LCORL: variants seen among roughly 807,000 people sequenced by gnomAD.
The protein encoded by LCORL is ligand dependent nuclear receptor corepressor like.
A neutral mutation model predicts 141.8 loss-of-function variants in LCORL; 41 were observed. The observed-to-expected ratio is 0.29, with a 90% CI of 0.23 to 0.38. LCORL has a LOEUF of 0.38. Among genes scored for constraint, LCORL ranks in the 10% least tolerant of loss-of-function variants. The pLI is 1.00. For synonymous variants in LCORL, 618 were observed against 694.1 expected (o/e 0.89, Z 1.72); for missense variants, 1,759 against 2,035.0 (o/e 0.86, Z 2.61).
intron 4 of LCORL, among the ~76,000 whole-genome samples, chr4:17,941,384 G>C (rs536641945): frequency 6.6e-6 from 1 of 151,836 alleles, no homozygotes; most frequent in Non-Finnish European, 1.5e-5. Context: ...GTGTGAACTC[G>C]GAAGGCGAAG....
At chr4:17,907,753 G>A (rs759114433) in intron 5 of LCORL, among the ~76,000 whole-genome samples, 4 of 152,136 alleles carry the variant, frequency 2.6e-5, no homozygotes, top group Non-Finnish European at 5.9e-5. Flanking sequence ...CAGTGTGTTA[G>A]TGTATTTTAT....
intron 4 of LCORL, among the ~76,000 whole-genome samples, chr4:17,930,076 T>G (rs1226668575): frequency 6.6e-6 from 1 of 152,116 alleles, no homozygotes; most frequent in Non-Finnish European, 1.5e-5. Flanking sequence ...CCAGTAAGAC[T>G]GTTGTAATAA....
At chr4:17,860,391 T>A (rs1560260828) in intron 7 of LCORL, among the ~76,000 whole-genome samples, 2 of 152,262 alleles carry the variant, frequency 1.3e-5, no homozygotes, top group South Asian at 4.2e-4. Flanking sequence ...AGAGAGCTTG[T>A]GCTGGAAAAC....
intron 1 of LCORL, among the ~76,000 whole-genome samples, chr4:17,994,513 A>G (rs1720579811): frequency 6.6e-6 from 1 of 152,158 alleles, no homozygotes; most frequent in Non-Finnish European, 1.5e-5. Context: ...CACTGCCTCA[A>G]TTTAAAGTTT....
intron 4 of LCORL, chr4:17,912,925 G>A (rs962138196): frequency 2.3e-5 from 11 of 470,620 alleles, no homozygotes; most frequent in African/African-American, 2.1e-4. Context: ...CCACCGGATA[G>A]TGGATGGCAA....
intron 4 of LCORL, among the ~76,000 whole-genome samples, chr4:17,948,471 G>C (rs998350267): frequency 2.1e-4 from 32 of 152,026 alleles, no homozygotes; most frequent in African/African-American, 7.5e-4. Flanking sequence ...AGGAGTAGAA[G>C]TCAAAAGGAA....
intron 1 of LCORL, among the ~76,000 whole-genome samples, chr4:18,016,706 C>T (rs78015869): frequency 0.018 from 2,803 of 152,156 alleles, 83 homozygotes; most frequent in East Asian, 0.13. Flanking sequence ...ATACTTAACA[C>T]ATTAGGATAA....
chr4:17,898,652 G>GT (rs34770223), intron 5 of LCORL, among the ~76,000 whole-genome samples: 4,813 of 119,206 alleles, frequency 0.04, 219 homozygotes, highest in African/African-American at 0.1. Flanking sequence ...CATTCTCACC[G>GT]TTTTTTTTTT....
In LCORL at chr4:17,920,043, G is replaced by A. The variant is rs533455243; in HGVS notation, c.431-10698C>T. ...GCCTTGCCCTGTGCATCTCTTCATC[G>A]GTATCCTCTGTAATATCCTTCAGAA... is the stretch of plus-strand genomic sequence containing the variant. On this transcript the variant is annotated intron_variant, in intron 4 of 7. Coordinates refer to ENST00000635767, the Ensembl canonical transcript of LCORL. Among the ~76,000 whole-genome samples the A allele has an allele frequency of 1.2e-4, 18 of 152,300 alleles. No homozygotes were observed. The South Asian group carries it at 1.7e-3, about 14-fold the overall frequency.
chr4:17,874,488 T>G, exon 7 of LCORL: 1 of 1,233,900 alleles, frequency 8.1e-7, no homozygotes, highest in Non-Finnish European at 1.0e-6. Context: ...TTCATTCAAA[T>G]CATACTTTTT....
intron 6 of LCORL, chr4:17,883,686 A>ACACACACACT (rs1407481167): frequency 1.3e-6 from 2 of 1,496,324 alleles, no homozygotes; most frequent in Non-Finnish European, 1.8e-6. Context: ...ACACACACAC[A>ACACACACACT]CACACACTCA....
At chr4:18,000,126 C>CTTTTTT (rs11407271) in intron 1 of LCORL, among the ~76,000 whole-genome samples, 1 of 130,732 alleles carries the variant, frequency 7.6e-6, no homozygotes, top group African/African-American at 2.8e-5. Flanking sequence ...ATTTGTGGTT[C>CTTTTTT]TTTTTTTTTT....
chr4:17,931,985 T>C (rs372304574), intron 4 of LCORL, among the ~76,000 whole-genome samples: 3 of 152,282 alleles, frequency 2.0e-5, no homozygotes, highest in South Asian at 2.1e-4. Context: ...CAGATACTAG[T>C]AAATGTTACA....
At chr4:17,906,554 T>C (rs1408429831) in intron 5 of LCORL, among the ~76,000 whole-genome samples, 1 of 152,186 alleles carries the variant, frequency 6.6e-6, no homozygotes, top group African/African-American at 2.4e-5. Flanking sequence ...TTCACATATA[T>C]TTGCACTTTG....
At chr4:18,007,868 C>T (rs1238999810) in intron 1 of LCORL, among the ~76,000 whole-genome samples, 1 of 151,998 alleles carries the variant, frequency 6.6e-6, no homozygotes, top group Non-Finnish European at 1.5e-5. Flanking sequence ...AAATTCTATT[C>T]TATTTATGTG....
intron 1 of LCORL, among the ~76,000 whole-genome samples, chr4:18,000,814 C>A (rs1304091419): frequency 6.6e-6 from 1 of 152,148 alleles, no homozygotes; most frequent in Non-Finnish European, 1.5e-5. Context: ...CTGGGGGTTC[C>A]ATTTCTTGAT....
At chr4:17,955,400 G>A (rs142116599) in intron 4 of LCORL, among the ~76,000 whole-genome samples, 300 of 152,236 alleles carry the variant, frequency 2.0e-3, no homozygotes, top group Non-Finnish European at 3.5e-3. Flanking sequence ...AGTGGAGATG[G>A]CAAAAGTATG....
chr4:18,003,061 T>C (rs530615200), intron 1 of LCORL, among the ~76,000 whole-genome samples: 1 of 152,332 alleles, frequency 6.6e-6, no homozygotes, highest in South Asian at 2.1e-4. Flanking sequence ...AAGCCAACTT[T>C]TGTACAGCCA....
chr4:17,925,484 G>C (rs1734972928), intron 4 of LCORL, among the ~76,000 whole-genome samples: 1 of 152,140 alleles, frequency 6.6e-6, no homozygotes, highest in South Asian at 2.1e-4. Flanking sequence ...ATACAGAAGG[G>C]GTAGTAGAAG....
Sources: allele counts gnomAD v4.1 joint callset (sites outside exome capture counted in the v4.1 genomes callset), GRCh38; gene constraint gnomAD v4.1.1; transcripts MANE v1.5; gene names NCBI Gene and HGNC (gene_info 2026-07-23, HGNC 2026-07-21).